Variants in COL22A1 observed in about 807,000 individuals in gnomAD.
COL22A1 encodes collagen alpha-1(XXII) chain.
COL22A1 carries 221 observed loss-of-function variants against 248.9 expected under a neutral mutation model. That is an observed-to-expected ratio of 0.89 (90% CI 0.80 to 0.99). The LOEUF is 0.99. Ranked by LOEUF, COL22A1 falls within the 50% of genes least tolerant of loss-of-function variation. COL22A1 has a pLI of 0.00. For missense variants in COL22A1, 2,240 were observed against 2,179.0 expected, an observed-to-expected ratio of 1.03 and a Z score of -0.56; for synonymous variants, 891 against 793.4, an observed-to-expected ratio of 1.12 and a Z score of -2.07.
At chr8:138,623,259 T>TA (rs1564109153) in intron 52 of COL22A1, among the ~76,000 whole-genome samples, 663 of 64,012 alleles carry the variant, frequency 0.01, 6 homozygotes, top group African/African-American at 0.037. Flanking sequence ...TATATATATA[T>TA]TTATGTGTGT....
At chr8:138,821,630 T>C (rs1293756961) in intron 6 of COL22A1, among the ~76,000 whole-genome samples, 2 of 152,172 alleles carry the variant, frequency 1.3e-5, no homozygotes, top group African/African-American at 4.8e-5. Flanking sequence ...GATGTCTACC[T>C]TGCAGGCTGT....
chr8:138,885,292 C>G (rs1005575010), intron 1 of COL22A1, among the ~76,000 whole-genome samples: 6 of 152,194 alleles, frequency 3.9e-5, no homozygotes, highest in Non-Finnish European at 8.8e-5. Context: ...TATGGAGTGG[C>G]TGTTGTCATT....
chr8:138,645,432 C>G (rs1303649080), intron 47 of COL22A1, among the ~76,000 whole-genome samples: 1 of 152,314 alleles, frequency 6.6e-6, no homozygotes, highest in Non-Finnish European at 1.5e-5. Flanking sequence ...TCAAAGTATT[C>G]TTTTTCTTTT....
intron 3 of COL22A1, among the ~76,000 whole-genome samples, chr8:138,845,657 C>G (rs1035995281): frequency 1.3e-5 from 2 of 152,012 alleles, no homozygotes; most frequent in African/African-American, 4.8e-5. Context: ...TCCCGCCTAC[C>G]CTCTGTGGCT....
chr8:138,737,562 T>C lies in COL22A1; in HGVS notation c.2101A>G (p.Met701Val), dbSNP rs754020209. ...AATCCAGGGATTCCAGGTGGTCCCA[T>C]GTCACCTTTCTTCCCCTGAGTGTAA... is the stretch of plus-strand genomic sequence containing the variant. ...LQGLRGKKGD[M>V]GPPGIPGLLG... The change falls in exon 23 of 65, where the codon ATG (methionine) becomes GTG (valine). Residue 701 changes from methionine (M) to valine (V), a missense_variant. Coordinates refer to ENST00000303045, the MANE Select transcript of COL22A1 (RefSeq NM_152888.3). 6.2e-6 allele frequency: 10 copies of C among 1,611,238 alleles called. No homozygotes were observed. The East Asian group carries it at 1.6e-4, about 25-fold the overall frequency.
chr8:138,872,620 C>T (rs551495639), intron 3 of COL22A1, among the ~76,000 whole-genome samples: 6 of 152,186 alleles, frequency 3.9e-5, no homozygotes, highest in South Asian at 2.1e-4. Context: ...GCTGATGCTC[C>T]GGGGCTGGCC....
chr8:138,871,291 C>T (rs1405293215), intron 3 of COL22A1, among the ~76,000 whole-genome samples: 2 of 152,146 alleles, frequency 1.3e-5, no homozygotes, highest in Admixed American at 6.5e-5. Context: ...GATGCCCCTC[C>T]GAGCTGTGTG....
chr8:138,880,041 C>T (rs1476640113), intron 2 of COL22A1, among the ~76,000 whole-genome samples: 1 of 151,984 alleles, frequency 6.6e-6, no homozygotes, highest in Non-Finnish European at 1.5e-5. Context: ...CAATTCCAAA[C>T]TTAGTGATTT....
intron 10 of COL22A1, among the ~76,000 whole-genome samples, chr8:138,806,000 GTGTGTGACGGTGTAGGTAA>G (rs1817594844): frequency 1.7e-5 from 1 of 59,006 alleles, no homozygotes; most frequent in African/African-American, 5.9e-5. Flanking sequence ...GATGGTGTGT[GTGTGTGACGGTGTAGGTAA>G]TGGTGTGTGG....
rs761577226 is a variant in COL22A1 at position 138,703,285 on chromosome 8, AT to A, written c.2559+20del. ...AATATAGGAATTCAGAGGAGAAAGA[AT>A]TAGAAGCGGAGTAACTTACAGTTCC... On this transcript the variant is annotated intron_variant, in intron 31 of 64. Transcript: ENST00000303045. The A allele has an allele frequency of 1.4e-5, 22 of 1,607,236 alleles. No individual in the cohort carries two copies. The highest frequency in any genetic ancestry group is 1.8e-5 in the Non-Finnish European group (21 of 1,173,796).
intron 15 of COL22A1, among the ~76,000 whole-genome samples, chr8:138,776,907 C>A (rs1345888294): frequency 6.6e-6 from 1 of 152,192 alleles, no homozygotes; most frequent in Non-Finnish European, 1.5e-5. Context: ...AAGGCTACTG[C>A]CCTACTCTGA....
intron 32 of COL22A1, among the ~76,000 whole-genome samples, chr8:138,698,227 C>T (rs1301908690): frequency 6.6e-6 from 1 of 152,188 alleles, no homozygotes; most frequent in South Asian, 2.1e-4. Flanking sequence ...GTGGAAGGGA[C>T]AGGCAGTGTG....
At chr8:138,861,514 G>C (rs753935315) in intron 3 of COL22A1, among the ~76,000 whole-genome samples, 1 of 152,060 alleles carries the variant, frequency 6.6e-6, no homozygotes, top group Non-Finnish European at 1.5e-5. Flanking sequence ...AGGACTCAAC[G>C]CGCAGCGCCG....
chr8:138,778,400 G>C lies in COL22A1; in HGVS notation c.1711C>G (p.Gln571Glu). 1 of 1,601,688 alleles carries C rather than the reference G, an allele frequency of 6.2e-7. No individual in the cohort carries two copies. The highest frequency in any genetic ancestry group is 8.5e-7 in the Non-Finnish European group (1 of 1,176,296). ...LPGEVGMRGP[Q>E]GPPGLPGPPG... ...GGTCCGGGGAGTCCAGGTGGTCCTT[G>C]GGGCCCCTGCAGAAGAGCATTTACA... The change falls in exon 15 of 65, where the codon CAA becomes GAA. Residue 571 changes from glutamine (Q) to glutamate (E), a missense_variant. Gln to Glu is a conservative substitution (Grantham distance 29). Coordinates refer to ENST00000303045, the MANE Select transcript of COL22A1 (RefSeq NM_152888.3).
intron 10 of COL22A1, among the ~76,000 whole-genome samples, chr8:138,806,099 GGTGTGTTT>G (rs200735054): frequency 6.2e-4 from 3 of 4,808 alleles, no homozygotes; most frequent in East Asian, 0.01. Flanking sequence ...GGTGTGTGAT[GGTGTGTTT>G]GTGTGTGATG....
At chr8:138,690,792 C>A in intron 36 of COL22A1, 29 bp downstream of exon 36, 1 of 1,583,846 alleles carries the variant, frequency 6.3e-7, no homozygotes. Context: ...GTGGCTGGGC[C>A]GTGCGTATGC....
intron 59 of COL22A1, among the ~76,000 whole-genome samples, chr8:138,602,913 C>T (rs560984538): frequency 2.6e-5 from 4 of 152,380 alleles, no homozygotes; most frequent in African/African-American, 9.6e-5. Flanking sequence ...TGACACCTAA[C>T]TTTCTTTCTC....
chr8:138,793,065 C>T (rs111856155), intron 12 of COL22A1, among the ~76,000 whole-genome samples: 159 of 152,302 alleles, frequency 1.0e-3, no homozygotes, highest in African/African-American at 3.7e-3. Flanking sequence ...GAAGCCAATG[C>T]ACATTGCCGC....
In COL22A1 at chr8:138,866,158, G is replaced by C. The variant is rs78729696; in HGVS notation, c.658+11592C>G. Among the ~76,000 whole-genome samples, 798 of 152,310 alleles carry C rather than the reference G, an allele frequency of 5.2e-3. 6 individuals are homozygous for C. The highest frequency in any genetic ancestry group is 0.018 in the African/African-American group (764 of 41,566). On this transcript the variant is annotated intron_variant, in intron 3 of 64. Transcript: ENST00000303045. ...CCTAAAACATGCAGCTTTGACACTT[G>C]TTTTCCTTCAGTCTTCCAGTAACTG...
Sources: allele counts gnomAD v4.1 joint callset (sites outside exome capture counted in the v4.1 genomes callset), GRCh38; gene constraint gnomAD v4.1.1; transcripts MANE v1.5; gene names NCBI Gene and HGNC (gene_info 2026-07-23, HGNC 2026-07-21).